The following COL4A2 variants were observed in gnomAD, a reference collection of about 807,000 sequenced individuals.
COL4A2 encodes collagen type IV alpha 2 chain, also known as collagen alpha-2(IV) chain.
Under a neutral mutation model 200.2 loss-of-function variants are expected in COL4A2, and 99 were observed. The ratio of observed to expected loss-of-function variants is 0.49; its 90% CI spans 0.42 to 0.58. COL4A2 has a LOEUF of 0.58. Ranked by LOEUF, COL4A2 falls within the 20% of genes least tolerant of loss-of-function variation. The pLI is 0.00. For synonymous variants in COL4A2, 897 were observed against 900.6 expected (o/e 1.00, Z 0.07); for missense variants, 1,950 against 2,314.1 (o/e 0.84, Z 3.23).
intron 16 of COL4A2, among the ~76,000 whole-genome samples, chr13:110,441,599 A>G (rs1018949039): frequency 1.1e-4 from 16 of 152,174 alleles, no homozygotes; most frequent in Admixed American, 9.8e-4. Flanking sequence ...CACCCCACCC[A>G]GAGGCCACAT....
intron 21 of COL4A2, chr13:110,458,284 C>T (rs536170898): frequency 2.2e-4 from 83 of 377,666 alleles, no homozygotes; most frequent in South Asian, 1.7e-3. Flanking sequence ...TCCCTGGGTT[C>T]AGCTGTGGCA....
At chr13:110,385,249 G>A (rs1474838644) in intron 4 of COL4A2, among the ~76,000 whole-genome samples, 12 of 151,584 alleles carry the variant, frequency 7.9e-5, no homozygotes, top group Admixed American at 4.6e-4. Flanking sequence ...GCAACAGAGT[G>A]AGACTCCGTC....
At chr13:110,325,546 C>T (rs940082741) in intron 3 of COL4A2, among the ~76,000 whole-genome samples, 1 of 151,758 alleles carries the variant, frequency 6.6e-6, no homozygotes, top group Non-Finnish European at 1.5e-5. Flanking sequence ...ATTGGAAGAT[C>T]AGTGGCTGAG....
At chr13:110,337,532 G>A (rs1876254057) in intron 3 of COL4A2, among the ~76,000 whole-genome samples, 1 of 152,256 alleles carries the variant, frequency 6.6e-6, no homozygotes, top group Non-Finnish European at 1.5e-5. Context: ...TCAGAGGGCG[G>A]ATGTACTGGT....
chr13:110,504,892 G>A (rs977804953), intron 45 of COL4A2, among the ~76,000 whole-genome samples: 6 of 151,908 alleles, frequency 3.9e-5, no homozygotes, highest in Non-Finnish European at 8.8e-5. Flanking sequence ...ACAGGTGTAA[G>A]TCACCGTGCC....
rs559430116 is a variant in COL4A2 at position 110,307,449 on chromosome 13, C to T, written c.-124C>T. The T allele has an allele frequency of 4.9e-5, 10 of 204,000 alleles. No homozygotes were observed. The highest frequency in any genetic ancestry group is 1.9e-4 in the South Asian group (1 of 5,346). The allele number at this position is 204,000 out of a possible 1,614,324, so 12.6% of individuals were successfully genotyped here. A position where few individuals can be genotyped will look rare whatever the true frequency, so the allele number is the denominator to read the frequency against. On this transcript the variant is annotated 5_prime_UTR_variant, in exon 1 of 48. Coordinates refer to ENST00000360467, the MANE Select transcript of COL4A2 (RefSeq NM_001846.4). The surrounding 1 kb of genome is among the most constrained non-coding windows in gnomAD (Gnocchi z 5.0). ...GCCCAGAGAGCCCAGCAAGGCCGGC[C>T]GCCCTGCCGGTGTGCCGCCGGCGGG... is the stretch of plus-strand genomic sequence containing the variant.
intron 3 of COL4A2, 56 bp downstream of exon 3, chr13:110,308,179 G>T: frequency 6.2e-7 from 1 of 1,601,898 alleles, no homozygotes; most frequent in Non-Finnish European, 8.5e-7. Context: ...TGGGACGTTT[G>T]AGTGGCCTTG....
intron 4 of COL4A2, 121 bp downstream of exon 4, chr13:110,357,673 G>T: frequency 1.4e-6 from 2 of 1,409,884 alleles, no homozygotes; most frequent in African/African-American, 2.8e-5. Flanking sequence ...TGAACATACT[G>T]GAGAGTACTC....
chr13:110,494,087 C>G (rs1215111109), intron 39 of COL4A2, among the ~76,000 whole-genome samples: 1 of 152,158 alleles, frequency 6.6e-6, no homozygotes, highest in African/African-American at 2.4e-5. Flanking sequence ...GAAAAAGAAA[C>G]TAACAACTTT....
At chr13:110,409,081 C>T (rs1349876983) in intron 4 of COL4A2, among the ~76,000 whole-genome samples, 1 of 138,240 alleles carries the variant, frequency 7.2e-6, no homozygotes, top group East Asian at 2.3e-4. Context: ...TACACACATG[C>T]ACATATATAC....
chr13:110,429,151 C>G (rs1340685043), intron 7 of COL4A2: 2 of 152,136 alleles, frequency 1.3e-5, no homozygotes, highest in Non-Finnish European at 2.9e-5. Flanking sequence ...TTTGGTGAGA[C>G]TTTTTATTTA....
chr13:110,437,033 G>A (rs1297333598), intron 13 of COL4A2, among the ~76,000 whole-genome samples: 2 of 152,200 alleles, frequency 1.3e-5, no homozygotes, highest in Non-Finnish European at 2.9e-5. Flanking sequence ...TACCATGTCG[G>A]GCACGCAGAA....
chr13:110,445,100 C>G (rs1228738150), intron 16 of COL4A2, among the ~76,000 whole-genome samples: 5 of 152,210 alleles, frequency 3.3e-5, no homozygotes, highest in Non-Finnish European at 7.3e-5. Flanking sequence ...ATCCTCCCAC[C>G]TTGGCTTCCC....
intron 4 of COL4A2, among the ~76,000 whole-genome samples, chr13:110,385,494 G>A (rs1463615715): frequency 3.5e-5 from 5 of 143,774 alleles, no homozygotes; most frequent in East Asian, 2.0e-4. Flanking sequence ...TGGATAGGCC[G>A]TGGTTACAGT....
chr13:110,478,571 C>A (rs188742419), intron 30 of COL4A2, among the ~76,000 whole-genome samples: 6,768 of 152,172 alleles, frequency 0.044, 445 homozygotes, highest in African/African-American at 0.15. Flanking sequence ...AGGGGAGGCT[C>A]GGCTGCATGC....
chr13:110,467,765 C>T (rs990854264), intron 27 of COL4A2, among the ~76,000 whole-genome samples: 2 of 152,230 alleles, frequency 1.3e-5, no homozygotes, highest in African/African-American at 4.8e-5. Flanking sequence ...AACACAGAGC[C>T]AGGGCTTCCA....
intron 45 of COL4A2, among the ~76,000 whole-genome samples, chr13:110,504,702 T>A (rs920184434): frequency 6.6e-6 from 1 of 151,964 alleles, no homozygotes; most frequent in Non-Finnish European, 1.5e-5. Flanking sequence ...GCCTCCCGGG[T>A]TCAAGCGATT....
chr13:110,488,361 A>G (rs1883175578), intron 34 of COL4A2, among the ~76,000 whole-genome samples: 1 of 152,168 alleles, frequency 6.6e-6, no homozygotes, highest in African/African-American at 2.4e-5. Flanking sequence ...ATGTTAGGCC[A>G]TGCTTGTACA....
chr13:110,351,855 G>A (rs1209414298), intron 3 of COL4A2, among the ~76,000 whole-genome samples: 9 of 152,176 alleles, frequency 5.9e-5, no homozygotes, highest in Admixed American at 4.6e-4. Context: ...CTCCTTCCAT[G>A]ATTTGGAATT....
Sources: gnomAD v4.1 joint callset for allele counts (sites outside exome capture counted in the v4.1 genomes callset) on GRCh38, gnomAD v4.1.1 for gene constraint, Gnocchi (gnomAD v3.1) non-coding constraint, MANE v1.5 for transcripts, NCBI Gene and HGNC (gene_info 2026-07-23, HGNC 2026-07-21) for gene names.